The following MAML3 variants were observed in gnomAD, a reference collection of about 807,000 sequenced individuals.
The protein encoded by MAML3 is mastermind-like protein 3.
Under a neutral mutation model 101.9 loss-of-function variants are expected in MAML3, and 27 were observed. That is an observed-to-expected ratio of 0.27 (90% CI 0.20 to 0.37). The LOEUF (loss-of-function observed/expected upper bound fraction) is 0.37, where lower values mean the gene tolerates loss of function less well. Ranked by LOEUF, MAML3 falls within the 10% of genes least tolerant of loss-of-function variation. MAML3 has a pLI of 1.00. For synonymous variants in MAML3, 501 were observed against 555.9 expected, an observed-to-expected ratio of 0.90 and a Z score of 1.39; for missense variants, 1,316 against 1,444.9, an observed-to-expected ratio of 0.91 and a Z score of 1.45.
chr4:140,100,394 C>CA (rs1488627110), intron 1 of MAML3, among the ~76,000 whole-genome samples: 1 of 152,200 alleles, frequency 6.6e-6, no homozygotes, highest in Non-Finnish European at 1.5e-5. Flanking sequence ...TTCATTTTTA[C>CA]AAACAGTCCT....
At chr4:139,863,055 C>T (rs528698937) in intron 2 of MAML3, among the ~76,000 whole-genome samples, 218 of 149,814 alleles carry the variant, frequency 1.5e-3, no homozygotes, top group African/African-American at 5.0e-3. Context: ...GAGGCTGAGG[C>T]AGGAAAGTCG....
intron 1 of MAML3, among the ~76,000 whole-genome samples, chr4:139,969,836 C>T (rs529650432): frequency 8.5e-5 from 13 of 152,134 alleles, no homozygotes; most frequent in South Asian, 2.1e-4. Flanking sequence ...CCGGCGATTC[C>T]GCACCACTGA....
intron 2 of MAML3, among the ~76,000 whole-genome samples, chr4:139,732,271 T>C (rs1406313565): frequency 6.6e-6 from 1 of 152,234 alleles, no homozygotes; most frequent in African/African-American, 2.4e-5. Flanking sequence ...CTGTCTCTCC[T>C]AGAGAGACCG....
At position 140,062,879 on chromosome 4, in the gene MAML3, A is replaced by G. The variant is rs1421862695; in HGVS notation, c.468+89981T>C. On this transcript the variant is annotated intron_variant, in intron 1 of 4. Coordinates refer to ENST00000509479, the MANE Select transcript of MAML3 (RefSeq NM_018717.5). The stretch of plus-strand genomic sequence containing the variant: ...CTTCCTTGAGTCTACTCATCAGGAG[A>G]AGAGGTTGCTGGATACTGAATTCTG... Among the ~76,000 whole-genome samples, 7 of 152,196 alleles carry G rather than the reference A, an allele frequency of 4.6e-5. No individual in the cohort carries two copies. The East Asian group carries it at 9.6e-4, about 21-fold the overall frequency.
At chr4:139,910,915 G>A (rs1732904353) in intron 1 of MAML3, among the ~76,000 whole-genome samples, 1 of 152,130 alleles carries the variant, frequency 6.6e-6, no homozygotes, top group Non-Finnish European at 1.5e-5. Context: ...TACCATCTTA[G>A]CCATTTCTAA....
At chr4:140,061,496 C>A (rs1025526061) in intron 1 of MAML3, among the ~76,000 whole-genome samples, 2 of 152,134 alleles carry the variant, frequency 1.3e-5, no homozygotes, top group East Asian at 1.9e-4. Context: ...TTTCTGTAAT[C>A]AAAACAATGA....
intron 1 of MAML3, among the ~76,000 whole-genome samples, chr4:140,045,028 CAG>C (rs1333813539): frequency 6.6e-6 from 1 of 152,146 alleles, no homozygotes; most frequent in Non-Finnish European, 1.5e-5. Flanking sequence ...AATATCATCA[CAG>C]AGAGAAAGAG....
chr4:139,817,741 C>G (rs996507345), intron 2 of MAML3, among the ~76,000 whole-genome samples: 8 of 152,212 alleles, frequency 5.3e-5, no homozygotes, highest in African/African-American at 1.9e-4. Context: ...CCACAGCTCT[C>G]AGGAGAGTGG....
At chr4:140,058,267 T>C (rs1230405598) in intron 1 of MAML3, among the ~76,000 whole-genome samples, 1 of 94,872 alleles carries the variant, frequency 1.1e-5, no homozygotes. Context: ...AAGCTCAGAG[T>C]ACTTTTTTTT....
At chr4:139,918,039 C>T (rs1010887904) in intron 1 of MAML3, among the ~76,000 whole-genome samples, 7 of 152,142 alleles carry the variant, frequency 4.6e-5, no homozygotes, top group Middle Eastern at 3.4e-3. Context: ...TATGTTCGGA[C>T]GCTGTGTCTG....
chr4:139,833,321 C>T (rs922320168), intron 2 of MAML3, among the ~76,000 whole-genome samples: 6 of 152,202 alleles, frequency 3.9e-5, no homozygotes, highest in Admixed American at 1.3e-4. Flanking sequence ...ACGCGGTGCT[C>T]GGCGGCAAAC....
intron 2 of MAML3, among the ~76,000 whole-genome samples, chr4:139,778,243 T>C (rs1449671774): frequency 6.6e-6 from 1 of 152,242 alleles, no homozygotes; most frequent in African/African-American, 2.4e-5. Context: ...AAGAAAGTGT[T>C]GTGCATGGTT....
chr4:139,972,592 A>T (rs1201368198), intron 1 of MAML3, among the ~76,000 whole-genome samples: 1 of 152,236 alleles, frequency 6.6e-6, no homozygotes, highest in East Asian at 1.9e-4. Flanking sequence ...TAATAGCAAA[A>T]GTGTGCTAAA....
intron 1 of MAML3, among the ~76,000 whole-genome samples, chr4:139,907,041 T>C (rs187736776): frequency 7.2e-5 from 11 of 152,334 alleles, no homozygotes; most frequent in Non-Finnish European, 1.0e-4. Flanking sequence ...GGCAGTGTAA[T>C]AGATTTCACT....
chr4:139,926,530 G>A (rs1733262546), intron 1 of MAML3, among the ~76,000 whole-genome samples: 1 of 152,210 alleles, frequency 6.6e-6, no homozygotes, highest in Admixed American at 6.5e-5. Context: ...AACCTGGGAG[G>A]CGGAGCTTGC....
At chr4:139,938,995 G>A (rs1578607701) in intron 1 of MAML3, among the ~76,000 whole-genome samples, 2 of 152,264 alleles carry the variant, frequency 1.3e-5, no homozygotes, top group South Asian at 4.1e-4. Context: ...ATCCTTCCCC[G>A]CTCTGCGCAC....
intron 1 of MAML3, among the ~76,000 whole-genome samples, chr4:140,003,117 G>A (rs191360375): frequency 6.6e-6 from 1 of 152,176 alleles, no homozygotes; most frequent in Non-Finnish European, 1.5e-5. Flanking sequence ...GAAGATTTAG[G>A]GTTCTAGAGC....
intron 1 of MAML3, among the ~76,000 whole-genome samples, chr4:140,106,115 G>GA (rs59770042): frequency 0.46 from 41,744 of 90,536 alleles, 8,836 homozygotes; most frequent in East Asian, 0.55. Context: ...CTGACTTCAA[G>GA]AAAAAAAAAA....
intron 2 of MAML3, among the ~76,000 whole-genome samples, chr4:139,871,080 T>C (rs795987): frequency 0.74 from 111,812 of 151,978 alleles, 41,324 homozygotes; most frequent in African/African-American, 0.78. Context: ...TGTGTGCTTA[T>C]CATTTTTTCA....
Sources: allele counts gnomAD v4.1 joint callset (sites outside exome capture counted in the v4.1 genomes callset), GRCh38; gene constraint gnomAD v4.1.1; transcripts MANE v1.5; gene names NCBI Gene and HGNC (gene_info 2026-07-23, HGNC 2026-07-21).